Variants in RPF2 observed in about 807,000 individuals in gnomAD.
RPF2 encodes brix domain containing 1.
A neutral mutation model predicts 38.9 loss-of-function variants in RPF2; 21 were observed. That is an observed-to-expected ratio of 0.54 (90% CI 0.38 to 0.78). RPF2 has a LOEUF of 0.78. Ranked by LOEUF, RPF2 falls within the 30% of genes least tolerant of loss-of-function variation. The pLI is 0.00. For missense variants in RPF2, 314 were observed against 358.1 expected (o/e 0.88, Z 0.99); for synonymous variants, 121 against 126.2 (o/e 0.96, Z 0.28).
chr6:110,994,363 T>C (rs1208979846), intron 4 of RPF2, among the ~76,000 whole-genome samples: 1 of 151,858 alleles, frequency 6.6e-6, no homozygotes, highest in Non-Finnish European at 1.5e-5. Flanking sequence ...AGTGGGAGGA[T>C]TGCGTGGGGC....
intron 7 of RPF2, among the ~76,000 whole-genome samples, chr6:111,009,823 G>A (rs887941595): frequency 2.0e-5 from 3 of 151,830 alleles, no homozygotes; most frequent in Non-Finnish European, 4.4e-5. Context: ...ATAGGCACAT[G>A]CCACTATGCC....
intron 3 of RPF2, among the ~76,000 whole-genome samples, chr6:110,991,156 A>G (rs1037155791): frequency 6.6e-6 from 1 of 152,176 alleles, no homozygotes; most frequent in Non-Finnish European, 1.5e-5. Flanking sequence ...AATGCTTCCC[A>G]TAAAAGTAAG....
chr6:110,984,606 G>C (rs980380827), intron 1 of RPF2, among the ~76,000 whole-genome samples: 2 of 152,032 alleles, frequency 1.3e-5, no homozygotes, highest in African/African-American at 4.8e-5. Flanking sequence ...TTTGGGAGCC[G>C]AGGTGAGCGG....
At chr6:110,993,126 G>C (rs552261963) in intron 4 of RPF2, among the ~76,000 whole-genome samples, 24 of 152,116 alleles carry the variant, frequency 1.6e-4, no homozygotes, top group African/African-American at 5.8e-4. Flanking sequence ...GCTAATTTTT[G>C]TAGAGATAGG....
chr6:110,982,116 C>A lies in RPF2; in HGVS notation c.10C>A (p.Leu4Met). The change falls in exon 1 of 10, where the codon CTG becomes ATG. Residue 4 changes from leucine to methionine, a missense_variant. Physicochemically the swap from Leu to Met is conservative, Grantham distance 15. Coordinates refer to ENST00000441448, the MANE Select transcript of RPF2 (RefSeq NM_032194.3). ...GCAGGTAGCGGTAGCGATGGACACTCTGGATCGAGTAGTGTAAGTGCGCTG... is the reference window on the plus strand; with the variant it reads ...GCAGGTAGCGGTAGCGATGGACACTATGGATCGAGTAGTGTAAGTGCGCTG... MDT[L>M]DRVVKPKTKR... 2 of 1,614,226 alleles carry A rather than the reference C, an allele frequency of 1.2e-6. No homozygotes were observed. Among genetic ancestry groups the A allele is most frequent in the Non-Finnish European group, 8.5e-7 (1 of 1,180,034 alleles).
At chr6:111,009,526 C>T (rs1771977067) in intron 7 of RPF2, among the ~76,000 whole-genome samples, 1 of 152,084 alleles carries the variant, frequency 6.6e-6, no homozygotes, top group South Asian at 2.1e-4. Context: ...CATCATCATC[C>T]TAAGTGCCAG....
chr6:110,999,703 C>T lies in RPF2; in HGVS notation c.317-8C>T. On this transcript the variant is annotated splice_polypyrimidine_tract_variant and splice_region_variant and intron_variant, in intron 5 of 9. Transcript: ENST00000441448. ...AAATACATGCTTAAAAATACATTTT[C>T]CTTCCAGGTCGTATGTATGACTACC... 1 of 1,576,328 alleles carries T rather than the reference C, an allele frequency of 6.3e-7. No homozygotes were observed. The highest frequency in any genetic ancestry group is 8.7e-7 in the Non-Finnish European group (1 of 1,146,044).
intron 9 of RPF2, among the ~76,000 whole-genome samples, chr6:111,025,188 A>G (rs1772302302): frequency 6.6e-6 from 1 of 152,222 alleles, no homozygotes; most frequent in Non-Finnish European, 1.5e-5. Flanking sequence ...GCCCTACCCT[A>G]GACATACTGA....
chr6:110,988,713 G>A (rs1038028086), intron 2 of RPF2, among the ~76,000 whole-genome samples: 6 of 152,180 alleles, frequency 3.9e-5, no homozygotes, highest in African/African-American at 9.7e-5. Context: ...GATTACAGGC[G>A]TGAGCCACTG....
chr6:111,014,796 T>C (rs1374492037), intron 7 of RPF2, among the ~76,000 whole-genome samples: 1 of 152,338 alleles, frequency 6.6e-6, no homozygotes, highest in East Asian at 1.9e-4. Flanking sequence ...AGCGTGCAGT[T>C]CACTGGAGAT....
intron 7 of RPF2, 70 bp from the exon 8 acceptor site, chr6:111,015,684 T>G (rs1046932844): frequency 9.7e-7 from 1 of 1,031,960 alleles, no homozygotes; most frequent in African/African-American, 1.6e-5. Context: ...CTGTTTAGAG[T>G]GCAGTTCTTT....
At position 111,025,950 on chromosome 6, in the gene RPF2, A is replaced by T. The variant is rs975970920; in HGVS notation, c.*368A>T. 3 of 155,700 alleles carry T rather than the reference A, an allele frequency of 1.9e-5. No homozygotes were observed. The highest frequency in any genetic ancestry group is 4.3e-5 in the Non-Finnish European group (3 of 70,386). The allele number at this position is 155,700 out of a possible 1,614,324, so 9.6% of individuals were successfully genotyped here. On this transcript the variant is annotated 3_prime_UTR_variant, in exon 10 of 10. Coordinates refer to ENST00000441448, the MANE Select transcript of RPF2 (RefSeq NM_032194.3). ...CCGCAGGAGCTGTGTAAACAATCTC[A>T]GTATGAATTACCTGGAAAGTTAACC...
At chr6:110,999,599 A>G (rs886853058) in intron 5 of RPF2, 112 bp from the exon 6 acceptor site, 30 of 660,694 alleles carry the variant, frequency 4.5e-5, no homozygotes, top group Non-Finnish European at 8.4e-5. Flanking sequence ...GCGGGGGTAT[A>G]GGGAGAAAAA....
At position 111,021,819 on chromosome 6, in the gene RPF2, A is replaced by G. The variant is rs140047059; in HGVS notation, c.597-2364A>G. Among the ~76,000 whole-genome samples, 3 of 152,320 alleles carry G rather than the reference A, an allele frequency of 2.0e-5. No individual in the cohort carries two copies. In the East Asian group the frequency reaches 5.8e-4, roughly 29 times the overall value. On this transcript the variant is annotated intron_variant, in intron 8 of 9. Transcript: ENST00000441448. ...TCTTACTGCAAATTAGCCCTTATGC[A>G]ATTTGAAAATGGTAATATTTAATAT...
chr6:111,003,251 C>G (rs1406367842), intron 6 of RPF2, among the ~76,000 whole-genome samples: 3 of 152,046 alleles, frequency 2.0e-5, no homozygotes, highest in African/African-American at 7.2e-5. Context: ...CCTCACCTAC[C>G]TACTTTTGTT....
rs377141772 is a variant in RPF2, at chr6:110,982,049, C to T, written c.-58C>T. On this transcript the variant is annotated 5_prime_UTR_variant, in exon 1 of 10. In the 5' UTR this introduces an upstream ATG that the reference lacks. Transcript: ENST00000441448. ...TTCCGGTTCCGCCTGTTCCGGCGCA[C>T]GTAATCGCCGAGGGCACGTGCATGC... 1.5e-4 allele frequency: 237 copies of T among 1,602,566 alleles called. No individual in the cohort carries two copies. In the African/African-American group the frequency reaches 2.7e-3, roughly 18 times the overall value.
chr6:110,998,834 A>G (rs1244347233), intron 5 of RPF2, among the ~76,000 whole-genome samples: 2 of 152,066 alleles, frequency 1.3e-5, no homozygotes, highest in Non-Finnish European at 2.9e-5. Flanking sequence ...AATCCTAGTT[A>G]CACAGGAGGC....
At chr6:111,013,344 A>G (rs1471600085) in intron 7 of RPF2, among the ~76,000 whole-genome samples, 1 of 152,156 alleles carries the variant, frequency 6.6e-6, no homozygotes, top group Non-Finnish European at 1.5e-5. Flanking sequence ...AGAAAATATC[A>G]TGCTGTTAGA....
At chr6:111,014,222 CG>C (rs1157046217) in intron 7 of RPF2, among the ~76,000 whole-genome samples, 1 of 151,474 alleles carries the variant, frequency 6.6e-6, no homozygotes, top group Non-Finnish European at 1.5e-5. Flanking sequence ...CTGCAATCTC[CG>C]CCTCCCAGGT....
Sources: allele counts gnomAD v4.1 joint callset (sites outside exome capture counted in the v4.1 genomes callset), GRCh38; gene constraint gnomAD v4.1.1; transcripts MANE v1.5; gene names NCBI Gene and HGNC (gene_info 2026-07-23, HGNC 2026-07-21).